The following ARHGEF4 variants were observed in gnomAD, a reference collection of about 807,000 sequenced individuals.
The protein encoded by ARHGEF4 is APC-stimulated guanine nucleotide exchange factor 1.
Under a neutral mutation model 162.0 loss-of-function variants are expected in ARHGEF4, and 119 were observed. The observed-to-expected ratio is 0.73, with a 90% CI of 0.63 to 0.86. The LOEUF (loss-of-function observed/expected upper bound fraction) is 0.86. ARHGEF4 is among the 40% of genes least tolerant of loss of function. The pLI, the probability that ARHGEF4 is intolerant of heterozygous loss-of-function variation, is 0.00. For missense variants in ARHGEF4, 2,488 were observed against 2,456.0 expected (o/e 1.01, Z -0.28); for synonymous variants, 1,014 against 979.9 (o/e 1.03, Z -0.65).
At chr2:130,859,182 C>G (rs1204841317) in intron 1 of ARHGEF4, among the ~76,000 whole-genome samples, 1 of 11,334 alleles carries the variant, frequency 8.8e-5, no homozygotes, top group African/African-American at 1.9e-4. Flanking sequence ...CATGAGGTCA[C>G]GAGATCAAGA....
chr2:130,889,811 CA>C (rs35297177), intron 1 of ARHGEF4, among the ~76,000 whole-genome samples: 3,167 of 67,658 alleles, frequency 0.047, 28 homozygotes, highest in Middle Eastern at 0.1. Context: ...GACTCCGTCT[CA>C]AAAAAAAAAA....
At chr2:130,889,604 A>G (rs1447909778) in intron 1 of ARHGEF4, among the ~76,000 whole-genome samples, 1 of 151,630 alleles carries the variant, frequency 6.6e-6, no homozygotes, top group African/African-American at 2.4e-5. Flanking sequence ...TGAGGTTGTG[A>G]GTTCGAGACC....
intron 1 of ARHGEF4, among the ~76,000 whole-genome samples, chr2:130,847,083 A>T (rs550715261): frequency 2.0e-4 from 31 of 152,200 alleles, no homozygotes; most frequent in African/African-American, 6.3e-4. Flanking sequence ...CCCTGTGTGG[A>T]TTCCTGACGC....
At chr2:131,039,110 A>G in intron 6 of ARHGEF4, 78 bp downstream of exon 6, 2 of 1,476,490 alleles carry the variant, frequency 1.4e-6, no homozygotes, top group East Asian at 2.4e-5. Context: ...TCCAAGCCCA[A>G]AACAGCTCTG....
rs1679711912 is a variant in ARHGEF4, at chr2:130,889,231, G to A, written c.40-24755G>A. Among the ~76,000 whole-genome samples the A allele has an allele frequency of 2.6e-5, 4 of 152,054 alleles. No homozygotes were observed. The South Asian group carries it at 8.3e-4, about 31-fold the overall frequency. ...GAATAAACTCCTTTACCTTTCTCAT[G>A]GGTAATATAATGATCTCAGAACATT... On this transcript the variant is annotated intron_variant, in intron 1 of 13. Transcript: ENST00000409359.
chr2:131,009,383 C>T lies in ARHGEF4; in HGVS notation c.3986-18562C>T, dbSNP rs59344829. On this transcript the variant is annotated intron_variant, in intron 4 of 13. Coordinates refer to ENST00000409359, the MANE Select transcript of ARHGEF4 (RefSeq NM_001367493.1). ...GTTTCTCTGTATTCTGCTTGGGATT[C>T]AGTGATCTCCTTGAATCTGTACATT... is the stretch of plus-strand genomic sequence containing the variant. Among the ~76,000 whole-genome samples the T allele has an allele frequency of 9.0e-3, 1,367 of 152,214 alleles. 36 individuals carry two copies. Among genetic ancestry groups the T allele is most frequent in the African/African-American group, 0.03 (1,264 of 41,546 alleles).
intron 4 of ARHGEF4, among the ~76,000 whole-genome samples, chr2:130,968,227 G>A (rs1022592012): frequency 6.6e-6 from 1 of 152,314 alleles, no homozygotes. Context: ...GTAGGAGCCG[G>A]TCAAGGGCCA....
intron 4 of ARHGEF4, among the ~76,000 whole-genome samples, chr2:130,977,181 TTG>T (rs1437895253): frequency 3.3e-5 from 5 of 151,692 alleles, no homozygotes; most frequent in African/African-American, 1.2e-4. Context: ...GTATTGTGTG[TTG>T]TGTTTGTGGT....
chr2:130,851,760 C>G (rs1323074295), intron 1 of ARHGEF4, among the ~76,000 whole-genome samples: 1 of 152,228 alleles, frequency 6.6e-6, no homozygotes, highest in Non-Finnish European at 1.5e-5. Flanking sequence ...CCCGGGGCCT[C>G]CATGGACACA....
rs1681525065 is a variant in ARHGEF4, at chr2:130,916,772, G to A, written c.2826G>A (p.Lys942=). 1.9e-6 allele frequency: 3 copies of A among 1,550,624 alleles called. No homozygotes were observed. Among genetic ancestry groups the A allele is most frequent in the East Asian group, 4.9e-5 (2 of 40,884 alleles). Residue 942 remains lysine (K), a synonymous_variant, in exon 2 of 14, where the codon AAG becomes AAA. Coordinates refer to ENST00000409359, the MANE Select transcript of ARHGEF4 (RefSeq NM_001367493.1). The part of the protein sequence containing the change: ...ERSPSSPKGE[K]EKSRLRQGSW... The stretch of plus-strand genomic sequence containing the variant: ...CCCCAAGTTCTCCCAAGGGCGAGAA[G>A]GAGAAGAGCAGGCTGCGCCAGGGTT...
intron 4 of ARHGEF4, among the ~76,000 whole-genome samples, chr2:130,961,666 G>A (rs1211781860): frequency 6.6e-6 from 1 of 152,302 alleles, no homozygotes; most frequent in East Asian, 1.9e-4. Context: ...TGACACTGAC[G>A]CTGTCGCCAA....
intron 4 of ARHGEF4, among the ~76,000 whole-genome samples, chr2:130,948,897 T>A (rs1300449138): frequency 6.6e-6 from 1 of 152,240 alleles, no homozygotes; most frequent in Non-Finnish European, 1.5e-5. Flanking sequence ...ATCCTGGAGT[T>A]TAGCTTAGGA....
intron 1 of ARHGEF4, among the ~76,000 whole-genome samples, chr2:130,902,783 T>C (rs1680563832): frequency 6.6e-6 from 1 of 152,210 alleles, no homozygotes; most frequent in African/African-American, 2.4e-5. Flanking sequence ...CATCCTTCAG[T>C]TATCGTTTAT....
chr2:130,919,914 G>A (rs1045648502), intron 2 of ARHGEF4, among the ~76,000 whole-genome samples: 1 of 151,940 alleles, frequency 6.6e-6, no homozygotes, highest in South Asian at 2.1e-4. Flanking sequence ...CTGTCTCTAT[G>A]TGTCTGTGTA....
intron 1 of ARHGEF4, among the ~76,000 whole-genome samples, chr2:130,843,588 G>C (rs577603219): frequency 5.2e-4 from 79 of 152,342 alleles, no homozygotes; most frequent in African/African-American, 1.3e-3. Flanking sequence ...CTCTTCCAAG[G>C]GGGGGCACGG....
At chr2:130,918,378 C>T (rs927737404) in intron 2 of ARHGEF4, among the ~76,000 whole-genome samples, 1 of 152,216 alleles carries the variant, frequency 6.6e-6, no homozygotes, top group South Asian at 2.1e-4. Flanking sequence ...TTTCTCATCC[C>T]AGCTGCCCTT....
At chr2:131,045,531 C>T in intron 13 of ARHGEF4, 85 bp downstream of exon 13, 1 of 1,612,456 alleles carries the variant, frequency 6.2e-7, no homozygotes, top group South Asian at 1.1e-5. Flanking sequence ...CAAAGCCAAG[C>T]CAGCTAGCCA....
rs562565180 is a variant in ARHGEF4, at chr2:130,915,927, A to G, written c.1981A>G (p.Lys661Glu). 7.0e-5 allele frequency: 108 copies of G among 1,550,580 alleles called. No homozygotes were observed. The African/African-American group carries it at 1.3e-3, about 19-fold the overall frequency. The change falls in exon 2 of 14, where the codon AAG becomes GAG. Residue 661 changes from lysine to glutamate, a missense_variant. Physicochemically the swap from Lys to Glu is moderately conservative, Grantham distance 56. Around this residue, in one of 6 missense-constraint regions of ARHGEF4, gnomAD observed 1,642 missense variants for 1,481.5 expected, o/e 1.11. Coordinates refer to ENST00000409359, the MANE Select transcript of ARHGEF4 (RefSeq NM_001367493.1). ...AGAAACACTGCCCCGTGACTTTCCT[A>G]AGGAAAGACCAGAATCTCCCTTGAG... Reference protein sequence around the residue: ...VPETLPRDFPKERPESPLSTG... With the variant: ...VPETLPRDFPEERPESPLSTG...
Position 130,914,858 on chromosome 2 carries a change from A to C in ARHGEF4, c.912A>C (p.Leu304=). Reference sequence around the variant, plus strand: ...CTCCTTTGAGGACATCTTGCCTCCTACGCACCAACCGTCACCATAGTGCCC... The same window carrying C: ...CTCCTTTGAGGACATCTTGCCTCCTCCGCACCAACCGTCACCATAGTGCCC... ...CQPPLRTSCL[L]RTNRHHSAPE... Residue 304 remains leucine (L), a synonymous_variant, in exon 2 of 14, where the codon CTA becomes CTC. Coordinates refer to ENST00000409359, the MANE Select transcript of ARHGEF4 (RefSeq NM_001367493.1). 5 of 1,479,400 alleles carry C rather than the reference A, an allele frequency of 3.4e-6. No homozygotes were observed. The highest frequency in any genetic ancestry group is 3.6e-6 in the Non-Finnish European group (4 of 1,113,140). 91.6% of individuals were successfully genotyped at this position (1,479,400 alleles called of 1,614,324 possible). A position where few individuals can be genotyped will look rare whatever the true frequency, so the allele number is the denominator to read the frequency against.
Sources: gnomAD v4.1 joint callset for allele counts (sites outside exome capture counted in the v4.1 genomes callset) on GRCh38, gnomAD v4.1.1 for gene constraint, gnomAD v4.1.1 regional missense constraint, MANE v1.5 for transcripts, NCBI Gene and HGNC (gene_info 2026-07-23, HGNC 2026-07-21) for gene names.